Variants in PID1 observed in about 807,000 individuals in gnomAD.
PID1 encodes phosphotyrosine interaction domain containing 1, also known as PTB-containing, cubilin and LRP1-interacting protein.
In PID1, 10 loss-of-function variants were observed where a neutral mutation model predicts 19.1. The observed-to-expected ratio is 0.52, with a 90% CI of 0.32 to 0.89. PID1 has a LOEUF of 0.89. Among genes scored for constraint, PID1 ranks in the 40% least tolerant of loss-of-function variants. The pLI is 0.03. For missense variants in PID1, 248 were observed against 285.3 expected (o/e 0.87, Z 0.94); for synonymous variants, 130 against 116.0 (o/e 1.12, Z -0.78).
chr2:229,271,144 C>A lies in PID1; in HGVS notation c.-101G>T. The A allele has an allele frequency of 5.2e-6, 7 of 1,346,954 alleles. No homozygotes were observed. The highest frequency in any genetic ancestry group is 6.1e-6 in the Non-Finnish European group (6 of 980,768). The allele number at this position is 1,346,954 out of a possible 1,614,324, so 83.4% of individuals were successfully genotyped here. A position where few individuals can be genotyped will look rare whatever the true frequency, so the allele number is the denominator to read the frequency against. On this transcript the variant is annotated 5_prime_UTR_variant, in exon 1 of 3. Coordinates refer to ENST00000392055, the MANE Select transcript of PID1 (RefSeq NM_001100818.2). ...CCGCTTTACATCTGGGGTCGGTGTC[C>A]GCGGGATGTGCGTCCTGGCGCTGGC...
At chr2:229,108,386 C>A (rs1296736344) in intron 2 of PID1, among the ~76,000 whole-genome samples, 1 of 152,172 alleles carries the variant, frequency 6.6e-6, no homozygotes, top group Non-Finnish European at 1.5e-5. Flanking sequence ...ACAGATGACA[C>A]CAATGCATGG....
intron 2 of PID1, among the ~76,000 whole-genome samples, chr2:229,029,909 C>A (rs1197130320): frequency 6.6e-6 from 1 of 151,126 alleles, no homozygotes; most frequent in Admixed American, 6.6e-5. Flanking sequence ...GGGTATATAC[C>A]CCAAATAATT....
chr2:229,040,140 T>C (rs1474043425), intron 2 of PID1, among the ~76,000 whole-genome samples: 1 of 140,740 alleles, frequency 7.1e-6, no homozygotes, highest in Non-Finnish European at 1.5e-5. Context: ...AAAAAAAGGC[T>C]GGGCACAGTG....
At chr2:229,270,422 G>A (rs1488669689) in intron 1 of PID1, among the ~76,000 whole-genome samples, 1 of 152,070 alleles carries the variant, frequency 6.6e-6, no homozygotes, top group African/African-American at 2.4e-5. Context: ...ACTTTTGATG[G>A]GATAACCCAG....
chr2:229,258,957 C>G (rs899283204), intron 1 of PID1, among the ~76,000 whole-genome samples: 1 of 151,724 alleles, frequency 6.6e-6, no homozygotes, highest in Non-Finnish European at 1.5e-5. Context: ...AGTCCATCCT[C>G]AGGTAACTAC....
chr2:229,230,217 A>C (rs1009066153), intron 1 of PID1, among the ~76,000 whole-genome samples: 1 of 152,240 alleles, frequency 6.6e-6, no homozygotes, highest in Admixed American at 6.5e-5. Context: ...ATACATGGGT[A>C]AATAAAGGTG....
chr2:229,050,979 A>T (rs1693985016), intron 2 of PID1, among the ~76,000 whole-genome samples: 1 of 152,234 alleles, frequency 6.6e-6, no homozygotes, highest in Non-Finnish European at 1.5e-5. Flanking sequence ...ACAATGAAAG[A>T]GAAAAGCTTA....
chr2:229,147,938 T>A (rs1230088872), intron 2 of PID1, among the ~76,000 whole-genome samples: 2 of 152,094 alleles, frequency 1.3e-5, no homozygotes, highest in African/African-American at 4.8e-5. Flanking sequence ...CTTTCAGGGA[T>A]CTCCAGAGAG....
chr2:229,177,252 C>A (rs1293828480), intron 1 of PID1, among the ~76,000 whole-genome samples: 1 of 152,088 alleles, frequency 6.6e-6, no homozygotes, highest in African/African-American at 2.4e-5. Flanking sequence ...GGGACACAGC[C>A]AACCATATCG....
At chr2:229,130,008 A>G (rs1390045148) in intron 2 of PID1, among the ~76,000 whole-genome samples, 1 of 152,206 alleles carries the variant, frequency 6.6e-6, no homozygotes, top group Non-Finnish European at 1.5e-5. Context: ...ACCAAGAAAG[A>G]AACATTTCTC....
chr2:229,113,599 T>TGTATGC (rs1559238929), intron 2 of PID1, among the ~76,000 whole-genome samples: 1 of 143,934 alleles, frequency 6.9e-6, no homozygotes, highest in East Asian at 2.0e-4. Context: ...TGCATATATG[T>TGTATGC]GTGTGTGTGT....
At chr2:229,177,836 C>T (rs556494218) in intron 1 of PID1, among the ~76,000 whole-genome samples, 2 of 152,246 alleles carry the variant, frequency 1.3e-5, no homozygotes, top group East Asian at 1.9e-4. Context: ...GAAATGCTCA[C>T]GACAATGCTC....
intron 1 of PID1, among the ~76,000 whole-genome samples, chr2:229,169,609 A>G (rs920375820): frequency 6.6e-5 from 10 of 152,282 alleles, no homozygotes; most frequent in Admixed American, 3.3e-4. Flanking sequence ...TATCATTTCC[A>G]AAGGTCCTAA....
chr2:229,106,786 G>A (rs1165999019), intron 2 of PID1, among the ~76,000 whole-genome samples: 1 of 152,182 alleles, frequency 6.6e-6, no homozygotes, highest in Non-Finnish European at 1.5e-5. Context: ...AGCTCAAACA[G>A]ACTCAGACAC....
chr2:229,242,730 C>G (rs1161081782), intron 1 of PID1, among the ~76,000 whole-genome samples: 4 of 152,102 alleles, frequency 2.6e-5, no homozygotes, highest in Non-Finnish European at 4.4e-5. Context: ...ATCTTAAAAC[C>G]AATCTGAGTC....
At chr2:229,210,248 C>T (rs1691698926) in intron 1 of PID1, among the ~76,000 whole-genome samples, 1 of 151,786 alleles carries the variant, frequency 6.6e-6, no homozygotes, top group South Asian at 2.1e-4. Context: ...CATGGCGGCT[C>T]GCGCCTGTAA....
At chr2:229,113,013 C>T (rs535651167) in intron 2 of PID1, among the ~76,000 whole-genome samples, 12 of 152,198 alleles carry the variant, frequency 7.9e-5, no homozygotes, top group Admixed American at 2.0e-4. Context: ...GTAACGTATG[C>T]TAATATCTAA....
intron 2 of PID1, among the ~76,000 whole-genome samples, chr2:229,038,633 A>G (rs566462935): frequency 2.0e-4 from 30 of 152,316 alleles, no homozygotes; most frequent in African/African-American, 6.3e-4. Context: ...AACCAAAGAA[A>G]TATTTAAACT....
intron 2 of PID1, among the ~76,000 whole-genome samples, chr2:229,059,145 T>G (rs1006065577): frequency 1.3e-5 from 2 of 152,060 alleles, no homozygotes; most frequent in Non-Finnish European, 2.9e-5. Context: ...AAAAACGAAA[T>G]GGATGAGACA....
Sources: gnomAD v4.1 joint callset for allele counts (sites outside exome capture counted in the v4.1 genomes callset) on GRCh38, gnomAD v4.1.1 for gene constraint, MANE v1.5 for transcripts, NCBI Gene and HGNC (gene_info 2026-07-23, HGNC 2026-07-21) for gene names.